The following CLUH variants were observed in gnomAD, a reference collection of about 807,000 sequenced individuals.
CLUH encodes the protein CLUH binding protein of NUMT mRNA.
CLUH carries 77 observed loss-of-function variants against 139.3 expected under a neutral mutation model. The ratio of observed to expected loss-of-function variants is 0.55; its 90% confidence interval spans 0.46 to 0.67. The LOEUF (loss-of-function observed/expected upper bound fraction) is 0.67, where lower values mean the gene tolerates loss of function less well. CLUH is among the 30% of genes least tolerant of loss of function. CLUH has a pLI of 0.00. For missense variants in CLUH, 1,876 were observed against 1,875.8 expected (o/e 1.00, Z 0.00); for synonymous variants, 999 against 801.6 (o/e 1.25, Z -4.16).
At chr17:2,697,867 G>A (rs1374769244) in intron 10 of CLUH, 29 bp downstream of exon 10, 3 of 1,450,304 alleles carry the variant, frequency 2.1e-6, no homozygotes, top group Non-Finnish European at 2.7e-6. Flanking sequence ...AGCTGGCCCC[G>A]GCCCTGGTCC....
At chr17:2,701,290 GCGGGGGC>G in intron 6 of CLUH, 25 bp from the exon 7 acceptor site, 1 of 1,609,024 alleles carries the variant, frequency 6.2e-7, no homozygotes, top group African/African-American at 1.3e-5. Context: ...CGGGCACTGA[GCGGGGGC>G]CCAGGTGTCT....
Position 2,707,606 on chromosome 17 carries a change from G to A in CLUH, c.101-3042C>T. The A allele has an allele frequency of 7.1e-6, 7 of 985,394 alleles. No homozygotes were observed. The South Asian group carries it at 3.3e-4, about 46-fold the overall frequency. The allele number at this position is 985,394 out of a possible 1,614,324, so 61.0% of individuals were successfully genotyped here. A position where few individuals can be genotyped will look rare whatever the true frequency, so the allele number is the denominator to read the frequency against. ...GGGTACCTGGACCCCTCAAGATTGA[G>A]GGCCTAGGAGACTGGCTGGCAGGGG... On this transcript the variant is annotated intron_variant, in intron 1 of 25. Transcript: ENST00000651024. This position sits in a 1 kb window ranked among gnomAD's most constrained non-coding sequence, Gnocchi z 7.4.
Position 2,707,386 on chromosome 17 carries a change from C to G in CLUH, c.101-2822G>C. The G allele has an allele frequency of 1.0e-6, 1 of 985,422 alleles. No individual in the cohort carries two copies. Among genetic ancestry groups the G allele is most frequent in the Non-Finnish European group, 1.2e-6 (1 of 829,918 alleles). The allele number at this position is 985,422 out of a possible 1,614,324, so 61.0% of individuals were successfully genotyped here. ...GGGGCCAGGCCTGCCATGGCAGCCC[C>G]AGGAAGGGCACACTCCCCCTGCCTG... On this transcript the variant is annotated intron_variant, in intron 1 of 25. Coordinates refer to ENST00000651024, the MANE Select transcript of CLUH (RefSeq NM_001366661.1). This position sits in a 1 kb window ranked among gnomAD's most constrained non-coding sequence, Gnocchi z 7.4.
intron 1 of CLUH, among the ~76,000 whole-genome samples, chr17:2,709,416 G>A (rs911568582): frequency 2.0e-5 from 3 of 152,102 alleles, no homozygotes; most frequent in African/African-American, 7.2e-5. Context: ...CAGGGCCTGA[G>A]GACAGTTCAG....
In CLUH at chr17:2,691,981, CCCG is replaced by C; in HGVS notation, c.3654+20_3654+22del. The C allele has an allele frequency of 2.7e-6, 2 of 738,070 alleles. No individual in the cohort carries two copies. 45.7% of individuals were successfully genotyped at this position (738,070 alleles called of 1,614,324 possible). A position where few individuals can be genotyped will look rare whatever the true frequency, so the allele number is the denominator to read the frequency against. ...GCCACGCCCCCGCCCCGCCCCCGCC[CCCG>C]CCACGCCCCCGCCGCGCACCTGCGT... is the stretch of plus-strand genomic sequence containing the variant. On this transcript the variant is annotated intron_variant, in intron 23 of 25. Coordinates refer to ENST00000651024, the MANE Select transcript of CLUH (RefSeq NM_001366661.1).
chr17:2,691,744 C>T lies in CLUH; in HGVS notation c.3789+17G>A, dbSNP rs1370169130. On this transcript the variant is annotated intron_variant, in intron 24 of 25. Transcript: ENST00000651024. ...CGCGCTCGCCGGGCCGGAGGGGCCG[C>T]TCCGCCCCGGACTCACCTTGAGGGG... The T allele has an allele frequency of 1.3e-6, 2 of 1,597,482 alleles. No individual in the cohort carries two copies. Among genetic ancestry groups the T allele is most frequent in the Admixed American group, 1.7e-5 (1 of 57,534 alleles).
At position 2,700,685 on chromosome 17, in the gene CLUH, G is replaced by A; in HGVS notation, c.1166C>T (p.Pro389Leu). The change falls in exon 8 of 26, where the codon CCT becomes CTT. Residue 389 changes from proline (P) to leucine (L), a missense_variant. Coordinates refer to ENST00000651024, the MANE Select transcript of CLUH (RefSeq NM_001366661.1). ...GGGCCAGGTTGCAGGCACCTGTCCAGGAATGTGCTCCTCATAGCCCAGCCT... is the reference window on the plus strand; with the variant it reads ...GGGCCAGGTTGCAGGCACCTGTCCAAGAATGTGCTCCTCATAGCCCAGCCT... The part of the protein sequence containing the change: ...TSRLGYEEHI[P>L]GQTRDWNEEL... 1.3e-6 allele frequency: 2 copies of A among 1,527,494 alleles called. No individual in the cohort carries two copies. Among genetic ancestry groups the A allele is most frequent in the Non-Finnish European group, 1.8e-6 (2 of 1,141,858 alleles). 94.6% of individuals were successfully genotyped at this position (1,527,494 alleles called of 1,614,324 possible).
Position 2,695,427 on chromosome 17 carries a change from C to A in CLUH, c.2491G>T (p.Val831Leu), listed in dbSNP as rs773972027. 1 of 1,612,680 alleles carries A rather than the reference C, an allele frequency of 6.2e-7. No individual in the cohort carries two copies. The highest frequency in any genetic ancestry group is 1.1e-5 in the South Asian group (1 of 91,066). ...GGGCTCCGCAGCACCAGCTCCAGCA[C>A]CTTGCCCAGGTAGCGCATGTTGATG... ...RGINMRYLGK[V>L]LELVLRSPAR... The change falls in exon 14 of 26, where the codon GTG (valine) becomes TTG (leucine). Residue 831 changes from valine to leucine, a missense_variant. Coordinates refer to ENST00000651024, the MANE Select transcript of CLUH (RefSeq NM_001366661.1).
At chr17:2,700,353 G>A (rs1258975273) in intron 9 of CLUH, 29 bp downstream of exon 9, 20 of 1,594,248 alleles carry the variant, frequency 1.3e-5, no homozygotes, top group Non-Finnish European at 1.6e-5. Flanking sequence ...GCGGGCCTCA[G>A]ACTGCCGGTC....
At chr17:2,705,687 C>G (rs932511034) in intron 1 of CLUH, among the ~76,000 whole-genome samples, 3 of 152,194 alleles carry the variant, frequency 2.0e-5, no homozygotes, top group African/African-American at 7.2e-5. Context: ...GGCGTCCTCA[C>G]CAGCAGCTCT....
intron 10 of CLUH, 103 bp from the exon 11 acceptor site, chr17:2,697,045 A>G (rs2069976543): frequency 2.3e-6 from 2 of 852,360 alleles, no homozygotes; most frequent in African/African-American, 1.7e-5. Flanking sequence ...CCGCAGGCAT[A>G]GGGCACCTCC....
At chr17:2,691,951 G>GCCACGC (rs2069673340) in intron 23 of CLUH, 53 bp downstream of exon 23, 3 of 1,098,802 alleles carry the variant, frequency 2.7e-6, no homozygotes, top group Middle Eastern at 3.1e-4. Context: ...CCCCGCCCCC[G>GCCACGC]CCCCGCCACG....
Position 2,707,942 on chromosome 17 carries a change from G to A in CLUH, c.101-3378C>T. ...GAGGACAACTGCACCCGTGCCCCTG[G>A]CCTCCAGGCTCCATCAAGAAGCTGG... On this transcript the variant is annotated intron_variant, in intron 1 of 25. Transcript: ENST00000651024. This position sits in a 1 kb window ranked among gnomAD's most constrained non-coding sequence, Gnocchi z 7.4. 3 of 985,470 alleles carry A rather than the reference G, an allele frequency of 3.0e-6. No homozygotes were observed. Among genetic ancestry groups the A allele is most frequent in the Non-Finnish European group, 3.6e-6 (3 of 829,942 alleles). 61.0% of individuals were successfully genotyped at this position (985,470 alleles called of 1,614,324 possible).
rs775850805 is a variant in CLUH at position 2,690,591 on chromosome 17, T to C, written c.*3A>G. The C allele has an allele frequency of 6.2e-6, 9 of 1,455,496 alleles. No homozygotes were observed. The highest frequency in any genetic ancestry group is 8.2e-6 in the Non-Finnish European group (9 of 1,102,752). 90.2% of individuals were successfully genotyped at this position (1,455,496 alleles called of 1,614,324 possible). ...CTGGCTGGCTGTCCGTCTGGCTCCC[T>C]CTCTATCCCTGCACGCTCGGAGAAG... On this transcript the variant is annotated 3_prime_UTR_variant, in exon 26 of 26. Transcript: ENST00000651024.
chr17:2,710,948 C>G (rs1597633430), intron 1 of CLUH: 1 of 152,572 alleles, frequency 6.6e-6, no homozygotes, highest in East Asian at 1.9e-4. Flanking sequence ...GTCGGCCGAG[C>G]AGGCCAACAC....
intron 8 of CLUH, 81 bp downstream of exon 8, chr17:2,700,597 C>T: frequency 3.9e-6 from 6 of 1,529,654 alleles, no homozygotes; most frequent in Non-Finnish European, 5.3e-6. Context: ...AAGCATGGGG[C>T]CTCCAGGGAA....
intron 10 of CLUH, 81 bp from the exon 11 acceptor site, chr17:2,697,023 G>T (rs1027034529): frequency 1.8e-5 from 20 of 1,130,736 alleles, no homozygotes; most frequent in East Asian, 1.6e-4. Context: ...CCGGCAGCTG[G>T]GGCTCCACAC....
chr17:2,691,915 G>A lies in CLUH; in HGVS notation c.3655-20C>T, dbSNP rs2069658337. The A allele has an allele frequency of 6.9e-7, 1 of 1,446,438 alleles. No homozygotes were observed. The highest frequency in any genetic ancestry group is 9.1e-7 in the Non-Finnish European group (1 of 1,099,320). The allele number at this position is 1,446,438 out of a possible 1,614,324, so 89.6% of individuals were successfully genotyped here. ...GCCCAGCTGCGGGGAGGCGGGAAGG[G>A]ATCAGGCCCCCCCGTGCCCCCGCGG... On this transcript the variant is annotated intron_variant, in intron 23 of 25. Transcript: ENST00000651024.
At chr17:2,694,784 CCATCTGGGAGCAGGTGGTGGCCGCCT>C (rs1352357014) in intron 16 of CLUH, 47 bp downstream of exon 16, 2 of 1,457,008 alleles carry the variant, frequency 1.4e-6, no homozygotes, top group African/African-American at 2.9e-5. Flanking sequence ...GCCTTAGACG[CCATCTGGGAGCAGGTGGTGGCCGCCT>C]CATCTGCCCA....
Sources: gnomAD v4.1 joint callset for allele counts (sites outside exome capture counted in the v4.1 genomes callset) on GRCh38, gnomAD v4.1.1 for gene constraint, Gnocchi (gnomAD v3.1) non-coding constraint, MANE v1.5 for transcripts, NCBI Gene and HGNC (gene_info 2026-07-23, HGNC 2026-07-21) for gene names.